The following PCDH9 variants were observed in gnomAD, a reference collection of about 807,000 sequenced individuals.
PCDH9 encodes the protein protocadherin-9.
Under a neutral mutation model 70.6 loss-of-function variants are expected in PCDH9, and 24 were observed. The ratio of observed to expected loss-of-function variants is 0.34; its 90% confidence interval spans 0.25 to 0.48. The LOEUF is 0.48. Ranked by LOEUF, PCDH9 falls within the 20% of genes least tolerant of loss-of-function variation. The pLI is 0.99. For missense variants in PCDH9, 1,281 were observed against 1,503.6 expected (o/e 0.85, Z 2.45); for synonymous variants, 562 against 558.5 (o/e 1.01, Z -0.09).
In PCDH9 at chr13:67,225,525, G is replaced by A. The variant is rs1376659960; in HGVS notation, c.2916C>T (p.Thr972=). The change falls in exon 2 of 5, where the codon ACC becomes ACT. Residue 972 remains threonine, a synonymous_variant. Coordinates refer to ENST00000377865, the MANE Select transcript of PCDH9 (RefSeq NM_203487.3). The stretch of plus-strand genomic sequence containing the variant: ...AAAGGGTGTCACAACCCCCAACAAA[G>A]GTGTTGTCCAAAGGGAGTTCCTGAA... ...HVIQELPLDN[T]FVGGCDTLSK... The A allele has an allele frequency of 1.2e-6, 2 of 1,614,038 alleles. No individual in the cohort carries two copies. The highest frequency in any genetic ancestry group is 1.7e-4 in the Middle Eastern group (1 of 6,060).
chr13:66,855,214 T>A (rs2081376240), intron 3 of PCDH9, among the ~76,000 whole-genome samples: 1 of 152,142 alleles, frequency 6.6e-6, no homozygotes, highest in South Asian at 2.1e-4. Context: ...TCCTTGTGAT[T>A]CTATTGTATT....
At chr13:66,644,822 A>C in intron 3 of PCDH9, among the ~76,000 whole-genome samples, 1 of 152,234 alleles carries the variant, frequency 6.6e-6, no homozygotes, top group South Asian at 2.1e-4. Flanking sequence ...CCATTTAAAA[A>C]TATTTTATAA....
intron 3 of PCDH9, among the ~76,000 whole-genome samples, chr13:66,823,318 A>T (rs1193676385): frequency 6.6e-6 from 1 of 151,996 alleles, no homozygotes; most frequent in Non-Finnish European, 1.5e-5. Flanking sequence ...CATATAATGT[A>T]TCTAATAAAG....
At chr13:66,934,716 T>C in intron 2 of PCDH9, among the ~76,000 whole-genome samples, 1 of 100,152 alleles carries the variant, frequency 1.0e-5, no homozygotes. Context: ...TGCTTTTTTT[T>C]TTTTTTTTTT....
chr13:67,149,434 A>C (rs977033892), intron 2 of PCDH9, among the ~76,000 whole-genome samples: 1 of 152,028 alleles, frequency 6.6e-6, no homozygotes, highest in South Asian at 2.1e-4. Context: ...AGATATTTTA[A>C]GCAGTGCCCA....
At chr13:67,022,312 G>A (rs1275374857) in intron 2 of PCDH9, among the ~76,000 whole-genome samples, 1 of 151,292 alleles carries the variant, frequency 6.6e-6, no homozygotes, top group East Asian at 2.0e-4. Context: ...GTAGAGATGG[G>A]GTTTCTCCGT....
intron 4 of PCDH9, among the ~76,000 whole-genome samples, chr13:66,594,859 C>T (rs892178910): frequency 6.6e-6 from 1 of 151,526 alleles, no homozygotes; most frequent in Non-Finnish European, 1.5e-5. Context: ...GCATAGTATT[C>T]CACAGTGTTG....
At position 67,221,907 on chromosome 13, in the gene PCDH9, T is replaced by C. The variant is rs1056201423; in HGVS notation, c.3036+3498A>G. The C allele has an allele frequency of 9.9e-5, 15 of 152,252 alleles. No individual in the cohort carries two copies. The East Asian group carries it at 2.9e-3, about 29-fold the overall frequency. The allele number at this position is 152,252 out of a possible 1,614,324, so 9.4% of individuals were successfully genotyped here. On this transcript the variant is annotated intron_variant, in intron 2 of 4. Coordinates refer to ENST00000377865, the MANE Select transcript of PCDH9 (RefSeq NM_203487.3). ...GAGGCTGACACTTCCTGTTTCAATATGCTAAGGTAGTGGTTCTCAAAGTGT... is the reference window on the plus strand; with the variant it reads ...GAGGCTGACACTTCCTGTTTCAATACGCTAAGGTAGTGGTTCTCAAAGTGT...
chr13:67,186,201 T>C (rs2088755705), intron 2 of PCDH9, among the ~76,000 whole-genome samples: 4 of 152,084 alleles, frequency 2.6e-5, no homozygotes, highest in Admixed American at 2.6e-4. Context: ...GTGTATACTT[T>C]TATTAAAAAT....
At chr13:66,871,403 A>G (rs2081682150) in intron 3 of PCDH9, among the ~76,000 whole-genome samples, 1 of 143,194 alleles carries the variant, frequency 7.0e-6, no homozygotes, top group African/African-American at 2.7e-5. Context: ...ATAAAAAATA[A>G]AAATAAAAAT....
intron 4 of PCDH9, among the ~76,000 whole-genome samples, chr13:66,400,856 C>T (rs575331239): frequency 6.6e-6 from 1 of 152,278 alleles, no homozygotes; most frequent in South Asian, 2.1e-4. Flanking sequence ...GATTCCAAGA[C>T]TCTTCAGTCA....
intron 4 of PCDH9, among the ~76,000 whole-genome samples, chr13:66,332,142 G>T (rs182521859): frequency 1.3e-5 from 2 of 152,198 alleles, no homozygotes; most frequent in African/African-American, 4.8e-5. Flanking sequence ...GGCTCTCCAC[G>T]CTCCTTGGCT....
At chr13:66,806,641 GAT>G (rs2139351624) in intron 3 of PCDH9, among the ~76,000 whole-genome samples, 2 of 152,240 alleles carry the variant, frequency 1.3e-5, no homozygotes, top group South Asian at 4.1e-4. Context: ...TTGTAGTTTG[GAT>G]CTGCTGTGTA....
intron 2 of PCDH9, among the ~76,000 whole-genome samples, chr13:67,191,216 A>T (rs1181016500): frequency 6.6e-6 from 1 of 152,176 alleles, no homozygotes; most frequent in African/African-American, 2.4e-5. Flanking sequence ...ATATATTCTT[A>T]TCACATAATT....
chr13:66,761,952 T>C (rs2079635866), intron 3 of PCDH9, among the ~76,000 whole-genome samples: 1 of 151,198 alleles, frequency 6.6e-6, no homozygotes, highest in Non-Finnish European at 1.5e-5. Context: ...GATCCTTTTG[T>C]TCATGTGTTG....
In PCDH9 at chr13:66,587,780, CT is replaced by C. The variant is rs1447604132; in HGVS notation, c.3340+43429del. Reference sequence around the variant, plus strand: ...GGTTCAGCAATACAACAGAAGTGAACTTGCAGGATTATTAAAAAAAAAAAAA... The same window carrying C: ...GGTTCAGCAATACAACAGAAGTGAACTGCAGGATTATTAAAAAAAAAAAAA... On this transcript the variant is annotated intron_variant, in intron 4 of 4. Coordinates refer to ENST00000377865, the MANE Select transcript of PCDH9 (RefSeq NM_203487.3). Among the ~76,000 whole-genome samples the C allele has an allele frequency of 5.0e-5, 6 of 120,100 alleles. No individual in the cohort carries two copies. The South Asian group carries it at 9.7e-4, about 19-fold the overall frequency. The allele number at this position is 120,100 out of a possible 152,430, so 78.8% of individuals were successfully genotyped here.
At chr13:66,584,329 G>A (rs918393033) in intron 4 of PCDH9, among the ~76,000 whole-genome samples, 20 of 152,022 alleles carry the variant, frequency 1.3e-4, no homozygotes, top group Admixed American at 1.3e-3. Flanking sequence ...TATACTCAAC[G>A]GAATGATTTT....
At chr13:67,029,414 G>T (rs2084859744) in intron 2 of PCDH9, among the ~76,000 whole-genome samples, 1 of 152,012 alleles carries the variant, frequency 6.6e-6, no homozygotes, top group African/African-American at 2.4e-5. Flanking sequence ...TCTTATGCAG[G>T]CTCTGTCCTC....
intron 2 of PCDH9, among the ~76,000 whole-genome samples, chr13:67,071,801 A>T (rs2138156348): frequency 6.6e-6 from 1 of 151,230 alleles, no homozygotes; most frequent in East Asian, 1.9e-4. Context: ...AGGCAGGAGA[A>T]TCACTTGAAC....
Sources: gnomAD v4.1 joint callset for allele counts (sites outside exome capture counted in the v4.1 genomes callset) on GRCh38, gnomAD v4.1.1 for gene constraint, MANE v1.5 for transcripts, NCBI Gene and HGNC (gene_info 2026-07-23, HGNC 2026-07-21) for gene names.